The following TREH variants were observed in gnomAD, a reference collection of about 807,000 sequenced individuals.
The protein encoded by TREH is alpha,alpha-trehalose glucohydrolase.
In TREH, 69 loss-of-function variants were observed where a neutral mutation model predicts 80.5. The ratio of observed to expected loss-of-function variants is 0.86; its 90% CI spans 0.71 to 1.05. The LOEUF (loss-of-function observed/expected upper bound fraction) is 1.05. TREH is among the 50% of genes least tolerant of loss of function. TREH has a pLI of 0.00. For synonymous variants in TREH, 309 were observed against 293.5 expected (o/e 1.05, Z -0.54); for missense variants, 716 against 718.8 (o/e 1.00, Z 0.04).
Position 118,660,006 on chromosome 11 carries a change from C to T in TREH, c.1103-42G>A, listed in dbSNP as rs536629195. 285 of 1,517,532 alleles carry T rather than the reference C, an allele frequency of 1.9e-4. 10 individuals carry two copies. The South Asian group carries it at 3.3e-3, about 18-fold the overall frequency. 94.0% of individuals were successfully genotyped at this position (1,517,532 alleles called of 1,614,324 possible). ...TTTAGAGCCAGCAGCCAGTGCCCTGCCTGCTGCCCCAGGCTTTTTTCGTGG... is the reference window on the plus strand; with the variant it reads ...TTTAGAGCCAGCAGCCAGTGCCCTGTCTGCTGCCCCAGGCTTTTTTCGTGG... On this transcript the variant is annotated intron_variant, in intron 10 of 14. Transcript: ENST00000264029.
chr11:118,662,344 C>T (rs1555145162), intron 4 of TREH, among the ~76,000 whole-genome samples: 1 of 152,254 alleles, frequency 6.6e-6, no homozygotes, highest in East Asian at 1.9e-4. Context: ...GCTCTACTCC[C>T]CATCCTTGCT....
Position 118,664,273 on chromosome 11 carries a change from C to T in TREH, c.90-834G>A, listed in dbSNP as rs147419300. Among the ~76,000 whole-genome samples, 351 of 152,342 alleles carry T rather than the reference C, an allele frequency of 2.3e-3. 2 individuals carry two copies. Among genetic ancestry groups the T allele is most frequent in the Middle Eastern group, 6.8e-3 (2 of 294 alleles). On this transcript the variant is annotated intron_variant, in intron 1 of 14. Coordinates refer to ENST00000264029, the MANE Select transcript of TREH (RefSeq NM_007180.3). ...ACCTTGTTTGGAAGGCCTTTGCACT[C>T]TGACTGAGGATGGAAAATCTTTGAA...
Position 118,675,858 on chromosome 11 carries a change from C to A in TREH, c.89+3681G>T, listed in dbSNP as rs576954112. On this transcript the variant is annotated intron_variant, in intron 1 of 14. Coordinates refer to ENST00000264029, the MANE Select transcript of TREH (RefSeq NM_007180.3). ...CTGGGATTACAGGCATGCACCACCA[C>A]ACCCTGCTAATTTTTGGCATTTTTG... is the stretch of plus-strand genomic sequence containing the variant. Among the ~76,000 whole-genome samples, 4 of 152,312 alleles carry A rather than the reference C, an allele frequency of 2.6e-5. No homozygotes were observed. The East Asian group carries it at 7.7e-4, about 29-fold the overall frequency.
chr11:118,663,076 C>T lies in TREH; in HGVS notation c.311G>A (p.Trp104Ter), dbSNP rs1555145297. ...FQAKGQELQP[W>*]TPADWKDSPQ... ...CCTGTCTTTCCAGTCTGCAGGGGTCCAGGGCTGCAGCTCCTGCCCCTTGGC... is the reference window on the plus strand; with the variant it reads ...CCTGTCTTTCCAGTCTGCAGGGGTCTAGGGCTGCAGCTCCTGCCCCTTGGC... Residue 104 changes from tryptophan (W) to a stop codon, truncating the protein, a stop_gained, in exon 3 of 15, where the codon TGG becomes TAG. Transcript: ENST00000264029. LOFTEE classifies it high-confidence loss of function. 1 of 1,613,950 alleles carries T rather than the reference C, an allele frequency of 6.2e-7. No individual in the cohort carries two copies. The highest frequency in any genetic ancestry group is 1.7e-5 in the Admixed American group (1 of 60,026).
In TREH at chr11:118,658,940, C is replaced by A; in HGVS notation, c.1510G>T (p.Asp504Tyr). ...LAQNWIRTNF[D>Y]VYSQKSAMYE... is the part of the protein sequence containing the mutation. ...ATGGCTGACTTCTGCGAGTAGACAT[C>A]AAAATTGGTTCGGATCCAATTCTGA... The change falls in exon 13 of 15, where the codon GAT (aspartate) becomes TAT (tyrosine). Residue 504 changes from aspartate (D) to tyrosine (Y), a missense_variant. Asp to Tyr is a radical substitution (Grantham distance 160). Coordinates refer to ENST00000264029, the MANE Select transcript of TREH (RefSeq NM_007180.3). 6.2e-7 allele frequency: 1 copy of A among 1,613,940 alleles called. No individual in the cohort carries two copies.
chr11:118,671,287 G>A (rs578126144), intron 1 of TREH, among the ~76,000 whole-genome samples: 1 of 152,116 alleles, frequency 6.6e-6, no homozygotes, highest in East Asian at 1.9e-4. Context: ...TCTTGCATTT[G>A]TATCTGCAGT....
chr11:118,659,166 G>C (rs1478681850), intron 12 of TREH, 149 bp from the exon 13 acceptor site: 5 of 961,778 alleles, frequency 5.2e-6, no homozygotes, highest in South Asian at 3.2e-5. Context: ...CTTAATCGAC[G>C]GCCCTGGTTT....
rs1555145258 is a variant in TREH at position 118,662,926 on chromosome 11, G to A, written c.378C>T (p.Ala126=). The A allele has an allele frequency of 2.5e-6, 4 of 1,609,480 alleles. No individual in the cohort carries two copies. The highest frequency in any genetic ancestry group is 3.4e-5 in the Admixed American group (2 of 59,112). ...LQKISDAKLR[A]WAGQLHQLWK... ...AGAGCTGATGCAGCTGCCCTGCCCAGGCACGCAGTTTGGCATCTGAAATCT... is the reference window on the plus strand; with the variant it reads ...AGAGCTGATGCAGCTGCCCTGCCCAAGCACGCAGTTTGGCATCTGAAATCT... The change falls in exon 4 of 15, where the codon GCC becomes GCT. Residue 126 remains alanine (A), a synonymous_variant. Transcript: ENST00000264029.
At position 118,660,962 on chromosome 11, in the gene TREH, C is replaced by T. The variant is rs782730552; in HGVS notation, c.858-47G>A. On this transcript the variant is annotated intron_variant, in intron 8 of 14. Transcript: ENST00000264029. The stretch of plus-strand genomic sequence containing the variant: ...CAGCCTGGCACTAGTAGCTACTAAG[C>T]CCCTCTGTGGTCAAGAAGAGGCTGA... The T allele has an allele frequency of 1.4e-5, 22 of 1,556,558 alleles. No individual in the cohort carries two copies. The African/African-American group carries it at 1.9e-4, about 13-fold the overall frequency.
intron 1 of TREH, among the ~76,000 whole-genome samples, chr11:118,665,619 A>G (rs579827): frequency 2.2e-4 from 33 of 152,298 alleles, no homozygotes; most frequent in South Asian, 4.1e-4. Flanking sequence ...CAGCCTGGGC[A>G]ACAGAGCGAG....
intron 13 of TREH, 28 bp downstream of exon 13, chr11:118,658,877 G>T (rs1949263924): frequency 6.2e-7 from 1 of 1,612,546 alleles, no homozygotes. Context: ...ACAGCCTGGG[G>T]GTGCAGGGAG....
rs891092263 is a variant in TREH, at chr11:118,660,545, T to C, written c.1096A>G (p.Arg366Gly). Residue 366 changes from arginine to glycine, a missense_variant, in exon 10 of 15, where the codon AGG becomes GGG. Coordinates refer to ENST00000264029, the MANE Select transcript of TREH (RefSeq NM_007180.3). ...AEELMSNFYSRLGNDSQATKY... is the reference protein window; with the variant it reads ...AEELMSNFYSGLGNDSQATKY... ...TCCCTACTGGGGTGCTCACCCAGCC[T>C]GGAATAGAAGTTGCTCATCAGCTCC... 1.2e-6 allele frequency: 2 copies of C among 1,601,364 alleles called. No homozygotes were observed. The highest frequency in any genetic ancestry group is 1.7e-5 in the Admixed American group (1 of 59,010).
chr11:118,659,447 GGGATCCCATACTGGTAAGTCA>G lies in TREH; in HGVS notation c.1334_1354del (p.Leu445_Ile451del). 1 of 1,606,426 alleles carries G rather than the reference GGGATCCCATACTGGTAAGTCA, an allele frequency of 6.2e-7. No homozygotes were observed. The highest frequency in any genetic ancestry group is 8.5e-7 in the Non-Finnish European group (1 of 1,176,114). On this transcript the variant is annotated inframe_deletion, in exon 12 of 15. Transcript: ENST00000264029. ...CTGGCCTGTCTTCTGGAGAGAGGTC[GGGATCCCATACTGGTAAGTCA>G]GGATCCGGTTGTCCTAGAAGGTCCC... is the stretch of plus-strand genomic sequence containing the variant.
intron 10 of TREH, 128 bp downstream of exon 10, chr11:118,660,409 CCA>C: frequency 1.1e-6 from 1 of 902,574 alleles, no homozygotes; most frequent in South Asian, 1.8e-5. Context: ...GTGCAGGCTT[CCA>C]CTAGGGCGGG....
At chr11:118,678,109 C>G (rs1226016202) in intron 1 of TREH, among the ~76,000 whole-genome samples, 1 of 152,172 alleles carries the variant, frequency 6.6e-6, no homozygotes, top group Non-Finnish European at 1.5e-5. Context: ...TCCCACTCTG[C>G]CCCAATCACA....
At chr11:118,660,010 C>T in intron 10 of TREH, 46 bp from the exon 11 acceptor site, 1 of 1,515,932 alleles carries the variant, frequency 6.6e-7, no homozygotes, top group Non-Finnish European at 8.9e-7. Context: ...GCCCTGCCTG[C>T]TGCCCCAGGC....
intron 1 of TREH, among the ~76,000 whole-genome samples, chr11:118,672,376 C>G (rs1949437644): frequency 6.9e-6 from 1 of 145,954 alleles, no homozygotes; most frequent in African/African-American, 2.5e-5. Context: ...CCAGCCTGGG[C>G]AACAGAGTGA....
intron 1 of TREH, among the ~76,000 whole-genome samples, chr11:118,667,428 T>C (rs554448025): frequency 2.0e-5 from 3 of 152,212 alleles, no homozygotes; most frequent in African/African-American, 4.8e-5. Context: ...GTGATCCTCC[T>C]GGCTTCAAGT....
chr11:118,659,122 A>C, intron 12 of TREH, 105 bp from the exon 13 acceptor site: 1 of 1,251,592 alleles, frequency 8.0e-7, no homozygotes. Flanking sequence ...CTGGGCCCTA[A>C]GACTTCCTTC....
Sources: allele counts gnomAD v4.1 joint callset (sites outside exome capture counted in the v4.1 genomes callset), GRCh38; gene constraint gnomAD v4.1.1; transcripts MANE v1.5; gene names NCBI Gene and HGNC (gene_info 2026-07-23, HGNC 2026-07-21).